Variants in BRD3 observed in about 807,000 individuals in gnomAD.
The protein encoded by BRD3 is bromodomain-containing protein 3.
A neutral mutation model predicts 66.8 loss-of-function variants in BRD3; 17 were observed. That is an observed-to-expected ratio of 0.25 (90% CI 0.17 to 0.38). BRD3 has a LOEUF of 0.38. Ranked by LOEUF, BRD3 falls within the 10% of genes least tolerant of loss-of-function variation. The pLI, the probability that BRD3 is intolerant of heterozygous loss-of-function variation, is 1.00. For synonymous variants in BRD3, 421 were observed against 393.2 expected, an observed-to-expected ratio of 1.07 and a Z score of -0.84; for missense variants, 713 against 956.1, an observed-to-expected ratio of 0.75 and a Z score of 3.35.
At position 134,048,430 on chromosome 9, in the gene BRD3, C is replaced by A; in HGVS notation, c.739G>T (p.Asp247Tyr). The A allele has an allele frequency of 6.3e-7, 1 of 1,598,590 alleles. No individual in the cohort carries two copies. Among genetic ancestry groups the A allele is most frequent in the South Asian group, 1.1e-5 (1 of 91,088 alleles). The change falls in exon 6 of 12, where the codon GAC becomes TAC. Residue 247 changes from aspartate (D) to tyrosine (Y), a missense_variant. By Grantham distance (160) the Asp-to-Tyr change is radical. This residue lies in a region of BRD3 where 418 missense variants were observed against 609.3 expected (regional missense o/e 0.69). Transcript: ENST00000303407. ...GCCGACGTCGTGGGAGTGGTTGTGT[C>A]TGCTTTCCGCTTCACGCCCTTTTTC... ...VKKKGVKRKA[D>Y]TTTPTTSAIT...
At chr9:134,034,614 G>C in intron 11 of BRD3, 87 bp downstream of exon 11, 1 of 1,549,328 alleles carries the variant, frequency 6.5e-7, no homozygotes, top group Non-Finnish European at 8.7e-7. Flanking sequence ...GCCACACTCA[G>C]ACGTGGGCCT....
chr9:134,033,530 G>A lies in BRD3; in HGVS notation c.*60C>T, dbSNP rs1843547666. 2 of 688,980 alleles carry A rather than the reference G, an allele frequency of 2.9e-6. No individual in the cohort carries two copies. The highest frequency in any genetic ancestry group is 3.1e-5 in the South Asian group (2 of 64,960). The allele number at this position is 688,980 out of a possible 1,614,324, so 42.7% of individuals were successfully genotyped here. A position where few individuals can be genotyped will look rare whatever the true frequency, so the allele number is the denominator to read the frequency against. On this transcript the variant is annotated 3_prime_UTR_variant, in exon 12 of 12. Transcript: ENST00000303407. The surrounding 1 kb of genome is among the most constrained non-coding windows in gnomAD (Gnocchi z 5.1). Reference sequence around the variant, plus strand: ...AGAAGTAGTAATATGAACCACAGAGGGGTACGGCAGAGTCTCGGCGTGTGC... The same window carrying A: ...AGAAGTAGTAATATGAACCACAGAGAGGTACGGCAGAGTCTCGGCGTGTGC...
At chr9:134,035,924 C>T in intron 10 of BRD3, 108 bp downstream of exon 10, 1 of 1,418,786 alleles carries the variant, frequency 7.0e-7, no homozygotes, top group Non-Finnish European at 9.4e-7. Flanking sequence ...GACAGCGTGG[C>T]AGCCCTGTGC....
intron 2 of BRD3, 50 bp from the exon 3 acceptor site, chr9:134,052,493 T>C (rs1830326581): frequency 6.4e-7 from 1 of 1,570,756 alleles, no homozygotes; most frequent in African/African-American, 1.4e-5. Flanking sequence ...ACATAATTAT[T>C]TTCACAATTC....
chr9:134,034,972 A>T (rs534363482), intron 10 of BRD3, 143 bp from the exon 11 acceptor site: 1 of 1,301,488 alleles, frequency 7.7e-7, no homozygotes, highest in South Asian at 1.4e-5. Context: ...GGGAGCTGAC[A>T]GATGCAAAGC....
intron 9 of BRD3, 70 bp from the exon 10 acceptor site, chr9:134,036,394 C>A (rs1829914741): frequency 1.3e-6 from 2 of 1,570,824 alleles, no homozygotes; most frequent in Non-Finnish European, 8.6e-7. Flanking sequence ...ACTGCACACA[C>A]CCCTTCCTCC....
intron 1 of BRD3, among the ~76,000 whole-genome samples, chr9:134,062,656 C>T (rs1830569427): frequency 6.6e-6 from 1 of 152,222 alleles, no homozygotes; most frequent in Non-Finnish European, 1.5e-5. Context: ...ACTCAAAGGA[C>T]GCTCTACCCC....
chr9:134,051,883 TTTTTTG>T lies in BRD3; in HGVS notation c.352-180_352-175del, dbSNP rs1426511545. On this transcript the variant is annotated intron_variant, in intron 3 of 11. Coordinates refer to ENST00000303407, the MANE Select transcript of BRD3 (RefSeq NM_007371.4). ...TGTGTGTGTGTGTGTGTGTGTTGTT[TTTTTTG>T]TTTTTTTTTTTTTTTTTTTGAGATG... is the stretch of plus-strand genomic sequence containing the variant. Among the ~76,000 whole-genome samples the T allele has an allele frequency of 2.0e-4, 11 of 56,058 alleles. 2 individuals are homozygous for T. Among genetic ancestry groups the T allele is most frequent in the East Asian group, 1.2e-3 (1 of 830 alleles). 36.8% of individuals were successfully genotyped at this position (56,058 alleles called of 152,430 possible).
chr9:134,064,993 G>A (rs1047732443), intron 1 of BRD3, among the ~76,000 whole-genome samples: 3 of 152,242 alleles, frequency 2.0e-5, no homozygotes, highest in Non-Finnish European at 4.4e-5. Context: ...GCTCCAACAA[G>A]GGGGCGGAGC....
chr9:134,033,009 G>C lies in BRD3; in HGVS notation c.*581C>G. On this transcript the variant is annotated 3_prime_UTR_variant, in exon 12 of 12. Transcript: ENST00000303407. This position sits in a 1 kb window ranked among gnomAD's most constrained non-coding sequence, Gnocchi z 5.1. Reference sequence around the variant, plus strand: ...CACATCCCACCCGACCACCCCCCAAGGGCTCCACGCTCCGGGCTGGGGCTG... The same window carrying C: ...CACATCCCACCCGACCACCCCCCAACGGCTCCACGCTCCGGGCTGGGGCTG... The C allele has an allele frequency of 2.5e-6, 1 of 397,672 alleles. No homozygotes were observed. Among genetic ancestry groups the C allele is most frequent in the Non-Finnish European group, 4.4e-6 (1 of 225,932 alleles). The allele number at this position is 397,672 out of a possible 1,614,324, so 24.6% of individuals were successfully genotyped here. A position where few individuals can be genotyped will look rare whatever the true frequency, so the allele number is the denominator to read the frequency against.
chr9:134,045,148 G>T lies in BRD3; in HGVS notation c.1215+145C>A. The T allele has an allele frequency of 8.3e-7, 1 of 1,211,498 alleles. No homozygotes were observed. Among genetic ancestry groups the T allele is most frequent in the Non-Finnish European group, 1.1e-6 (1 of 890,446 alleles). 75.0% of individuals were successfully genotyped at this position (1,211,498 alleles called of 1,614,324 possible). On this transcript the variant is annotated intron_variant, in intron 7 of 11. Transcript: ENST00000303407. The surrounding 1 kb of genome is among the most constrained non-coding windows in gnomAD (Gnocchi z 4.8). Reference sequence around the variant, plus strand: ...TCAGAGCCTGACAGGGACCTGGTTGGCACTCGGGAAAAAGGTGTTGAGGGA... The same window carrying T: ...TCAGAGCCTGACAGGGACCTGGTTGTCACTCGGGAAAAAGGTGTTGAGGGA...
intron 7 of BRD3, among the ~76,000 whole-genome samples, chr9:134,042,704 TATATATACAC>T (rs1018180186): frequency 2.1e-4 from 19 of 88,562 alleles, no homozygotes; most frequent in Middle Eastern, 0.014. Context: ...TACACACACA[TATATATACAC>T]ATATATACAC....
In BRD3 at chr9:134,041,652, G is replaced by A. The variant is rs1830049434; in HGVS notation, c.1407+108C>T. 2.9e-6 allele frequency: 4 copies of A among 1,359,574 alleles called. No homozygotes were observed. The Admixed American group carries it at 7.1e-5, about 24-fold the overall frequency. 84.2% of individuals were successfully genotyped at this position (1,359,574 alleles called of 1,614,324 possible). A position where few individuals can be genotyped will look rare whatever the true frequency, so the allele number is the denominator to read the frequency against. On this transcript the variant is annotated intron_variant, in intron 8 of 11. Transcript: ENST00000303407. ...ACGGGGAAGCACTACCGCGGCTGCT[G>A]AGGGACAGGGGCAGAGGAAGGAACC... is the stretch of plus-strand genomic sequence containing the variant.
chr9:134,047,522 G>A (rs946388683), intron 6 of BRD3, among the ~76,000 whole-genome samples: 1 of 152,212 alleles, frequency 6.6e-6, no homozygotes, highest in Admixed American at 6.5e-5. Flanking sequence ...AGGCACACAA[G>A]AGCCCAGGCA....
Position 134,045,556 on chromosome 9 carries a change from A to G in BRD3, c.1087-135T>C. 1.6e-6 allele frequency: 2 copies of G among 1,279,768 alleles called. No homozygotes were observed. Among genetic ancestry groups the G allele is most frequent in the East Asian group, 2.3e-5 (1 of 42,818 alleles). 79.3% of individuals were successfully genotyped at this position (1,279,768 alleles called of 1,614,324 possible). ...GGCAGTGCCTACTGGCCTGGCCGGC[A>G]GGACACCCCAGCTCTCTGGGACCTC... On this transcript the variant is annotated intron_variant, in intron 6 of 11. Transcript: ENST00000303407. The surrounding 1 kb of genome is among the most constrained non-coding windows in gnomAD (Gnocchi z 4.8).
At chr9:134,058,667 C>A (rs775850267) in intron 1 of BRD3, 1 of 152,266 alleles carries the variant, frequency 6.6e-6, no homozygotes, top group African/African-American at 2.4e-5. Context: ...CACACCCCTA[C>A]CCCAGGGTCT....
In BRD3 at chr9:134,052,326, T is replaced by C; in HGVS notation, c.331A>G (p.Asn111Asp). The change falls in exon 3 of 12, where the codon AAT (asparagine) becomes GAT (aspartate). Residue 111 changes from asparagine to aspartate, a missense_variant. By Grantham distance (23) the Asn-to-Asp change is conservative (BLOSUM62 1). Transcript: ENST00000303407. Reference protein sequence around the residue: ...CMQDFNTMFTNCYIYNKPTDD... With the variant: ...CMQDFNTMFTDCYIYNKPTDD... ...CTTACCTTGTTATAAATGTAACAATTTGTAAACATGGTGTTGAAGTCCTGC... is the reference window on the plus strand; with the variant it reads ...CTTACCTTGTTATAAATGTAACAATCTGTAAACATGGTGTTGAAGTCCTGC... 2 of 1,613,208 alleles carry C rather than the reference T, an allele frequency of 1.2e-6. No homozygotes were observed. The highest frequency in any genetic ancestry group is 8.5e-7 in the Non-Finnish European group (1 of 1,179,982).
At chr9:134,057,735 G>A (rs1164113720) in intron 1 of BRD3, 1 of 152,360 alleles carries the variant, frequency 6.6e-6, no homozygotes. Context: ...TCAACCTGCA[G>A]GCGGCCACAC....
At chr9:134,063,968 A>G (rs912936153) in intron 1 of BRD3, among the ~76,000 whole-genome samples, 31 of 151,804 alleles carry the variant, frequency 2.0e-4, no homozygotes, top group African/African-American at 6.5e-4. Context: ...TGCGGCAAGG[A>G]GGGGGGCGGG....
Sources: allele counts gnomAD v4.1 joint callset (sites outside exome capture counted in the v4.1 genomes callset), GRCh38; gene constraint gnomAD v4.1.1; regional missense constraint gnomAD v4.1.1; non-coding constraint Gnocchi (gnomAD v3.1); transcripts MANE v1.5; gene names NCBI Gene and HGNC (gene_info 2026-07-23, HGNC 2026-07-21).